Variants in DNAH2 observed in about 807,000 individuals in gnomAD.
DNAH2 encodes axonemal beta dynein heavy chain 2.
In DNAH2, 323 loss-of-function variants were observed where a neutral mutation model predicts 523.5. The observed-to-expected ratio is 0.62, with a 90% CI of 0.56 to 0.68. The LOEUF is 0.68. Ranked by LOEUF, DNAH2 falls within the 30% of genes least tolerant of loss-of-function variation. The pLI, the probability that DNAH2 is intolerant of heterozygous loss-of-function variation, is 0.00. For synonymous variants in DNAH2, 2,093 were observed against 2,177.4 expected, an observed-to-expected ratio of 0.96 and a Z score of 1.08; for missense variants, 4,907 against 5,701.5, an observed-to-expected ratio of 0.86 and a Z score of 4.49.
At chr17:7,751,219 C>T (rs141418324) in intron 12 of DNAH2, among the ~76,000 whole-genome samples, 2 of 151,968 alleles carry the variant, frequency 1.3e-5, no homozygotes, top group African/African-American at 2.4e-5. Context: ...TCTTGGCTGA[C>T]TGCAACCTCT....
chr17:7,790,292 G>A (rs2076861908), intron 44 of DNAH2, among the ~76,000 whole-genome samples: 1 of 151,204 alleles, frequency 6.6e-6, no homozygotes, highest in Non-Finnish European at 1.5e-5. Context: ...GCTGTGGTGT[G>A]ATCTCGGCTC....
At chr17:7,823,089 T>C (rs2077905867) in intron 73 of DNAH2, among the ~76,000 whole-genome samples, 1 of 151,362 alleles carries the variant, frequency 6.6e-6, no homozygotes, top group African/African-American at 2.4e-5. Context: ...AGATCAGGAG[T>C]TCGAGACCAG....
chr17:7,829,160 G>A (rs546026771), intron 77 of DNAH2, among the ~76,000 whole-genome samples: 1 of 152,186 alleles, frequency 6.6e-6, no homozygotes, highest in East Asian at 1.9e-4. Context: ...GACTACAGGT[G>A]CGTGTCACCA....
In DNAH2 at chr17:7,831,820, C is replaced by G. The variant is rs2078184704; in HGVS notation, c.12726+45C>G. 5.8e-6 allele frequency: 9 copies of G among 1,553,066 alleles called. No individual in the cohort carries two copies. Among genetic ancestry groups the G allele is most frequent in the Middle Eastern group, 1.8e-4 (1 of 5,444 alleles). On this transcript the variant is annotated intron_variant, in intron 82 of 85. Coordinates refer to ENST00000572933, the MANE Select transcript of DNAH2 (RefSeq NM_020877.5). This position sits in a 1 kb window ranked among gnomAD's most constrained non-coding sequence, Gnocchi z 4.2. The stretch of plus-strand genomic sequence containing the variant: ...GATCCTTCTCCAACAATGAGCTCCC[C>G]TCTCAATCCTGGGCCCCCCAATCTC...
intron 72 of DNAH2, among the ~76,000 whole-genome samples, chr17:7,819,774 A>G (rs1343806075): frequency 6.6e-6 from 1 of 152,162 alleles, no homozygotes; most frequent in Non-Finnish European, 1.5e-5. Flanking sequence ...CAGGGGTGCC[A>G]CTGCTCCTGG....
rs1255877606 is a variant in DNAH2, at chr17:7,771,486, C to A, written c.4501+18C>A. 1 of 1,613,230 alleles carries A rather than the reference C, an allele frequency of 6.2e-7. No homozygotes were observed. On this transcript the variant is annotated intron_variant, in intron 28 of 85. Coordinates refer to ENST00000572933, the MANE Select transcript of DNAH2 (RefSeq NM_020877.5). ...TCACCCAGGTCAGAGCTCCAGGGCT[C>A]CTGCCCTGACACAGCCTCGGCAGGC...
In DNAH2 at chr17:7,818,074, C is replaced by T. The variant is rs777250625; in HGVS notation, c.10365C>T (p.Leu3455=). 2 of 1,612,848 alleles carry T rather than the reference C, an allele frequency of 1.2e-6. No homozygotes were observed. The highest frequency in any genetic ancestry group is 2.2e-5 in the South Asian group (2 of 91,084). Residue 3455 remains leucine (L), a synonymous_variant, in exon 68 of 86, where the codon CTC becomes CTT. Transcript: ENST00000572933. ...TGGACCCCACACTGAACCCCATGCTCAACAAATCTGTAGCCCGAATCGGTC... is the reference window on the plus strand; with the variant it reads ...TGGACCCCACACTGAACCCCATGCTTAACAAATCTGTAGCCCGAATCGGTC... ...EYLDPTLNPM[L]NKSVARIGGR... is the part of the protein sequence containing the mutation.
At chr17:7,827,294 T>C (rs2078046932) in intron 77 of DNAH2, among the ~76,000 whole-genome samples, 1 of 129,648 alleles carries the variant, frequency 7.7e-6, no homozygotes, top group South Asian at 2.9e-4. Flanking sequence ...TCCTTTGTCT[T>C]GTTCAAGAAA....
chr17:7,739,692 T>C, intron 8 of DNAH2, 41 bp from the exon 9 acceptor site: 1 of 1,590,650 alleles, frequency 6.3e-7, no homozygotes, highest in Non-Finnish European at 8.6e-7. Flanking sequence ...CTTTGGAGTT[T>C]GGAAGGAAAG....
At chr17:7,787,821 G>A (rs764092239) in intron 42 of DNAH2, 39 bp from the exon 43 acceptor site, 3 of 1,570,320 alleles carry the variant, frequency 1.9e-6, no homozygotes, top group Non-Finnish European at 2.6e-6. Flanking sequence ...GGTGGGGGAT[G>A]CAGAGAAAGA....
At position 7,740,978 on chromosome 17, in the gene DNAH2, G is replaced by T. The variant is rs1314215665; in HGVS notation, c.1675G>T (p.Asp559Tyr). 8 of 1,603,218 alleles carry T rather than the reference G, an allele frequency of 5.0e-6. No individual in the cohort carries two copies. Among genetic ancestry groups the T allele is most frequent in the African/African-American group, 1.3e-5 (1 of 74,738 alleles). ...RWVHILRRRIDRVMTCLAGAH... is the reference protein window; with the variant it reads ...RWVHILRRRIYRVMTCLAGAH... ...GGTGCACATCCTCCGGCGTCGCATC[G>T]ACAGAGTCATGACCGTAAGTGCCTG... The change falls in exon 11 of 86, where the codon GAC becomes TAC. Residue 559 changes from aspartate (D) to tyrosine (Y), a missense_variant. Physicochemically the swap from Asp to Tyr is radical, Grantham distance 160 (BLOSUM62 -3). Around this residue, in one of 3 missense-constraint regions of DNAH2, gnomAD observed 2,806 missense variants for 3,190.8 expected, o/e 0.88. Coordinates refer to ENST00000572933, the MANE Select transcript of DNAH2 (RefSeq NM_020877.5).
At chr17:7,804,118 G>T in intron 58 of DNAH2, 138 bp from the exon 59 acceptor site, 1 of 827,340 alleles carries the variant, frequency 1.2e-6, no homozygotes, top group Non-Finnish European at 1.9e-6. Flanking sequence ...ATAGAATCCC[G>T]ACCAGGATGG....
At chr17:7,725,872 G>T (rs535337980) in intron 3 of DNAH2, among the ~76,000 whole-genome samples, 2 of 152,068 alleles carry the variant, frequency 1.3e-5, no homozygotes, top group South Asian at 2.1e-4. Context: ...TTATAGGAAA[G>T]ATTTTAGATC....
rs745713711 is a variant in DNAH2, at chr17:7,823,463, A to G, written c.11164A>G (p.Met3722Val). 15 of 1,613,978 alleles carry G rather than the reference A, an allele frequency of 9.3e-6. No homozygotes were observed. The highest frequency in any genetic ancestry group is 1.3e-5 in the Non-Finnish European group (15 of 1,179,972). Residue 3722 changes from methionine to valine, a missense_variant, in exon 74 of 86, where the codon ATG (methionine) becomes GTG (valine). Coordinates refer to ENST00000572933, the MANE Select transcript of DNAH2 (RefSeq NM_020877.5). ...CCAGGTCTTGGATCGGGAGGGCCAA[A>G]TGGACAATCCATGTAGTAGCTGGCT... ...GGVVLDREGQ[M>V]DNPCSSWLAD...
chr17:7,830,157 CAACG>C, intron 77 of DNAH2, 139 bp from the exon 78 acceptor site: 6 of 784,444 alleles, frequency 7.6e-6, no homozygotes, highest in South Asian at 2.0e-5. Flanking sequence ...GCATGTAGAT[CAACG>C]GCTACATTTC....
In DNAH2 at chr17:7,754,535, A is replaced by G; in HGVS notation, c.1905-2556A>G. ...AACATGCGCTTTGCCAAGAAGCACA[A>G]AAGAAGGGCCTAAAGAAGATGCACA... On this transcript the variant is annotated intron_variant, in intron 12 of 85. Transcript: ENST00000572933. This position sits in a 1 kb window ranked among gnomAD's most constrained non-coding sequence, Gnocchi z 4.6. The G allele has an allele frequency of 2.6e-6, 3 of 1,148,326 alleles. No individual in the cohort carries two copies. Among genetic ancestry groups the G allele is most frequent in the South Asian group, 1.3e-5 (1 of 78,122 alleles). The allele number at this position is 1,148,326 out of a possible 1,614,324, so 71.1% of individuals were successfully genotyped here.
At chr17:7,817,879 T>G (rs752860380) in intron 67 of DNAH2, 23 bp downstream of exon 67, 1 of 1,609,534 alleles carries the variant, frequency 6.2e-7, no homozygotes, top group Non-Finnish European at 8.5e-7. Flanking sequence ...GGGGTCAGGT[T>G]AGCCCCCCCC....
At chr17:7,767,272 T>A (rs2076196238) in intron 22 of DNAH2, among the ~76,000 whole-genome samples, 1 of 152,228 alleles carries the variant, frequency 6.6e-6, no homozygotes, top group African/African-American at 2.4e-5. Flanking sequence ...CAGTACTTTT[T>A]TAAATGGCTG....
Position 7,776,506 on chromosome 17 carries a change from C to T in DNAH2, c.4948-273C>T, listed in dbSNP as rs79239960. ...AGAAAGAAATGAAGAAATGAGGGAA[C>T]GAGAAGATGGAGTTAAAAGGAGGTG... On this transcript the variant is annotated intron_variant, in intron 31 of 85. Coordinates refer to ENST00000572933, the MANE Select transcript of DNAH2 (RefSeq NM_020877.5). Among the ~76,000 whole-genome samples, 1,007 of 151,966 alleles carry T rather than the reference C, an allele frequency of 6.6e-3. 5 individuals are homozygous for T. The highest frequency in any genetic ancestry group is 0.01 in the Admixed American group (160 of 15,252).
Sources: allele counts gnomAD v4.1 joint callset (sites outside exome capture counted in the v4.1 genomes callset), GRCh38; gene constraint gnomAD v4.1.1; regional missense constraint gnomAD v4.1.1; non-coding constraint Gnocchi (gnomAD v3.1); transcripts MANE v1.5; gene names NCBI Gene and HGNC (gene_info 2026-07-23, HGNC 2026-07-21).